BICD1: variants seen among roughly 807,000 people sequenced by gnomAD.
The protein encoded by BICD1 is protein bicaudal D homolog 1.
Under a neutral mutation model 92.5 loss-of-function variants are expected in BICD1, and 35 were observed. The ratio of observed to expected loss-of-function variants is 0.38; its 90% CI spans 0.29 to 0.50. The LOEUF (loss-of-function observed/expected upper bound fraction) is 0.50, where lower values mean the gene tolerates loss of function less well. Ranked by LOEUF, BICD1 falls within the 20% of genes least tolerant of loss-of-function variation. The probability of loss-of-function intolerance (pLI) is 0.93; values close to 1 mark genes in which losing one functional copy is unlikely to be tolerated. For synonymous variants in BICD1, 429 were observed against 465.1 expected (o/e 0.92, Z 1.00); for missense variants, 950 against 1,189.8 (o/e 0.80, Z 2.97).
intron 4 of BICD1, among the ~76,000 whole-genome samples, chr12:32,311,116 G>T (rs1246014910): frequency 1.3e-5 from 2 of 152,168 alleles, no homozygotes; most frequent in Non-Finnish European, 2.9e-5. Flanking sequence ...CCCTCAGGAG[G>T]TCCTGAGAAC....
intron 1 of BICD1, among the ~76,000 whole-genome samples, chr12:32,166,957 C>T (rs933345941): frequency 2.0e-5 from 3 of 152,232 alleles, no homozygotes; most frequent in African/African-American, 4.8e-5. Context: ...CTAGTATCAA[C>T]ATAGAAATAA....
intron 2 of BICD1, among the ~76,000 whole-genome samples, chr12:32,251,404 G>A (rs1946517951): frequency 6.6e-6 from 1 of 152,138 alleles, no homozygotes; most frequent in Non-Finnish European, 1.5e-5. Context: ...TCATAGTTGT[G>A]TAGCTCAGCA....
At chr12:32,236,204 C>G (rs1320180712) in intron 2 of BICD1, among the ~76,000 whole-genome samples, 1 of 151,080 alleles carries the variant, frequency 6.6e-6, no homozygotes, top group Non-Finnish European at 1.5e-5. Flanking sequence ...ATCAGCCTGG[C>G]CAACATAGTG....
At chr12:32,350,924 A>G (rs1219342245) in intron 8 of BICD1, among the ~76,000 whole-genome samples, 2 of 152,162 alleles carry the variant, frequency 1.3e-5, no homozygotes. Flanking sequence ...CCACAAATTT[A>G]AAGTTTTTTG....
chr12:32,327,410 A>G (rs776337870), intron 4 of BICD1, 51 bp from the exon 5 acceptor site: 2 of 1,538,472 alleles, frequency 1.3e-6, no homozygotes, highest in Admixed American at 4.0e-5. Context: ...GATTAAGTTC[A>G]TCATTGGTGC....
chr12:32,281,919 G>A (rs1371933164), intron 2 of BICD1, among the ~76,000 whole-genome samples: 1 of 152,124 alleles, frequency 6.6e-6, no homozygotes, highest in East Asian at 1.9e-4. Flanking sequence ...AACCGTTACT[G>A]ACAACATGCT....
chr12:32,161,619 C>T (rs1026955056), intron 1 of BICD1, among the ~76,000 whole-genome samples: 31 of 152,290 alleles, frequency 2.0e-4, no homozygotes, highest in Admixed American at 1.6e-3. Flanking sequence ...CTGATGGTAT[C>T]CACTGCCCAG....
intron 1 of BICD1, among the ~76,000 whole-genome samples, chr12:32,163,760 T>G (rs1436782332): frequency 6.6e-6 from 1 of 152,204 alleles, no homozygotes; most frequent in African/African-American, 2.4e-5. Flanking sequence ...ATTTCCTGCC[T>G]TCCTGTTTTG....
intron 1 of BICD1, among the ~76,000 whole-genome samples, chr12:32,176,419 G>C (rs1170293888): frequency 1.3e-5 from 2 of 151,992 alleles, no homozygotes; most frequent in African/African-American, 4.8e-5. Context: ...TTTACATTGA[G>C]GTATAACTTA....
chr12:32,153,603 A>C (rs558921898), intron 1 of BICD1, among the ~76,000 whole-genome samples: 5 of 152,102 alleles, frequency 3.3e-5, no homozygotes, highest in Non-Finnish European at 7.4e-5. Context: ...CAAAAAATAC[A>C]AAACTAGCCA....
At chr12:32,196,730 C>T (rs1944738021) in intron 1 of BICD1, among the ~76,000 whole-genome samples, 1 of 152,130 alleles carries the variant, frequency 6.6e-6, no homozygotes, top group African/African-American at 2.4e-5. Flanking sequence ...GTTGACGATA[C>T]TGTGTTTACT....
chr12:32,293,490 T>G (rs1947776648), intron 2 of BICD1, among the ~76,000 whole-genome samples: 1 of 151,508 alleles, frequency 6.6e-6, no homozygotes, highest in Non-Finnish European at 1.5e-5. Flanking sequence ...GCTAATTTTT[T>G]TTTTTTTTTT....
At position 32,327,496 on chromosome 12, in the gene BICD1, A is replaced by G; in HGVS notation, c.1041A>G (p.Leu347=). 1 of 1,611,666 alleles carries G rather than the reference A, an allele frequency of 6.2e-7. No homozygotes were observed. Among genetic ancestry groups the G allele is most frequent in the East Asian group, 2.2e-5 (1 of 44,846 alleles). ...EREKAILLAN[L]QESQTQLEHT... ...AAAAGGCCATTCTTTTGGCCAACCT[A>G]CAGGAGTCACAGACACAGCTGGAAC... The change falls in exon 5 of 10, where the codon CTA becomes CTG. Residue 347 remains leucine (L), a synonymous_variant. Transcript: ENST00000652176.
At chr12:32,317,441 A>G (rs1431805600) in intron 4 of BICD1, among the ~76,000 whole-genome samples, 1 of 152,092 alleles carries the variant, frequency 6.6e-6, no homozygotes, top group Non-Finnish European at 1.5e-5. Flanking sequence ...TTTGATTTGC[A>G]TTTCTCTGAC....
At chr12:32,360,850 GAAAT>G (rs1392166229) in intron 8 of BICD1, among the ~76,000 whole-genome samples, 1 of 152,110 alleles carries the variant, frequency 6.6e-6, no homozygotes, top group African/African-American at 2.4e-5. Flanking sequence ...ATTTAAGAGA[GAAAT>G]AAATGCTAAA....
At chr12:32,108,542 T>G in intron 1 of BICD1, 1 of 587,374 alleles carries the variant, frequency 1.7e-6, no homozygotes. Flanking sequence ...ACTCCTTTTC[T>G]GTGTGTCAAG....
intron 7 of BICD1, 36 bp from the exon 8 acceptor site, chr12:32,338,750 G>A: frequency 6.6e-7 from 1 of 1,522,610 alleles, no homozygotes; most frequent in East Asian, 2.5e-5. Flanking sequence ...AAACTTTTTT[G>A]TTTCCTATAT....
At chr12:32,115,183 G>T (rs2121170998) in intron 1 of BICD1, among the ~76,000 whole-genome samples, 1 of 152,176 alleles carries the variant, frequency 6.6e-6, no homozygotes, top group Middle Eastern at 3.4e-3. Flanking sequence ...TCAAGAGTTT[G>T]CTTTTTAAGA....
intron 1 of BICD1, among the ~76,000 whole-genome samples, chr12:32,121,812 ATTT>A (rs77883866): frequency 9.7e-4 from 136 of 140,232 alleles, no homozygotes; most frequent in Non-Finnish European, 9.8e-4. Context: ...AGTTTGTCAA[ATTT>A]TTTTTTTTTT....
Sources: allele counts gnomAD v4.1 joint callset (sites outside exome capture counted in the v4.1 genomes callset), GRCh38; gene constraint gnomAD v4.1.1; transcripts MANE v1.5; gene names NCBI Gene and HGNC (gene_info 2026-07-23, HGNC 2026-07-21).